Variants in CFAP58 observed in about 807,000 individuals in gnomAD.
CFAP58 encodes the protein cilia and flagella associated protein 58.
Under a neutral mutation model 119.5 loss-of-function variants are expected in CFAP58, and 88 were observed. The observed-to-expected ratio is 0.74, with a 90% CI of 0.62 to 0.88. The LOEUF (loss-of-function observed/expected upper bound fraction) is 0.88, where lower values mean the gene tolerates loss of function less well. Ranked by LOEUF, CFAP58 falls within the 40% of genes least tolerant of loss-of-function variation. The pLI, the probability that CFAP58 is intolerant of heterozygous loss-of-function variation, is 0.00. For synonymous variants in CFAP58, 365 were observed against 366.3 expected (o/e 1.00, Z 0.04); for missense variants, 990 against 1,021.2 (o/e 0.97, Z 0.42).
At chr10:104,347,683 A>T in the CFAP58 span, among the ~76,000 whole-genome samples, 3 of 150,984 alleles carry the variant, frequency 2.0e-5, no homozygotes, top group South Asian at 2.1e-4. Flanking sequence ...AGGCTTTAAA[A>T]TTTTTTTTTT....
chr10:104,398,975 G>A (rs1431147807), intron 11 of CFAP58, among the ~76,000 whole-genome samples: 2 of 152,070 alleles, frequency 1.3e-5, no homozygotes, highest in Non-Finnish European at 2.9e-5. Flanking sequence ...ACACACAGAG[G>A]CCTCCCCTGT....
In CFAP58 at chr10:104,395,870, A is replaced by G. The variant is rs148580493; in HGVS notation, c.1674+2395A>G. ...AAGATACCCTTGGACAGGACAATTCAATTTATGACTTTTCCAAGCCGATAG... is the reference window on the plus strand; with the variant it reads ...AAGATACCCTTGGACAGGACAATTCGATTTATGACTTTTCCAAGCCGATAG... On this transcript the variant is annotated intron_variant, in intron 11 of 17. Transcript: ENST00000369704. Among the ~76,000 whole-genome samples the G allele has an allele frequency of 3.7e-3, 566 of 152,278 alleles. 1 individual carries two copies. Among genetic ancestry groups the G allele is most frequent in the African/African-American group, 0.013 (540 of 41,552 alleles).
At chr10:104,349,900 A>T (rs2014440033), upstream of CFAP58, among the ~76,000 whole-genome samples, 1 of 152,238 alleles carries the variant, frequency 6.6e-6, no homozygotes, top group Non-Finnish European at 1.5e-5. Context: ...GAAGATCAGC[A>T]TTTGTGAATT....
At chr10:104,426,385 T>C (rs2012745602) in intron 15 of CFAP58, among the ~76,000 whole-genome samples, 2 of 151,340 alleles carry the variant, frequency 1.3e-5, no homozygotes, top group African/African-American at 4.9e-5. Flanking sequence ...TTCGCTGCCT[T>C]GGGGACCATT....
rs1218159714 is a variant in CFAP58 at position 104,445,286 on chromosome 10, G to A, written c.2257-2412G>A. Among the ~76,000 whole-genome samples, 9 of 148,116 alleles carry A rather than the reference G, an allele frequency of 6.1e-5. 1 individual carries two copies. The highest frequency in any genetic ancestry group is 1.2e-4 in the African/African-American group (5 of 40,252). ...TGCAGTGAGATATGATTGTGCCACTGTACTCCAGCCTGCGTGACAGAGTGA... is the reference window on the plus strand; with the variant it reads ...TGCAGTGAGATATGATTGTGCCACTATACTCCAGCCTGCGTGACAGAGTGA... On this transcript the variant is annotated intron_variant, in intron 15 of 17. Transcript: ENST00000369704.
At chr10:104,446,429 A>G (rs2013114266) in intron 15 of CFAP58, among the ~76,000 whole-genome samples, 1 of 152,248 alleles carries the variant, frequency 6.6e-6, no homozygotes, top group South Asian at 2.1e-4. Context: ...TGGAGTTTCA[A>G]TAATTTGGCC....
In CFAP58 at chr10:104,406,647, G is replaced by A. The variant is rs56919377; in HGVS notation, c.2152-42G>A. On this transcript the variant is annotated intron_variant, in intron 14 of 17. Coordinates refer to ENST00000369704, the MANE Select transcript of CFAP58 (RefSeq NM_001008723.2). ...TACATAGAGGCCTCAGTGCTTTGAA[G>A]CTGATGATATCTCAGCTGCTATTGT... The A allele has an allele frequency of 1.6e-3, 2,450 of 1,529,156 alleles. 33 individuals carry two copies. In the African/African-American group the frequency reaches 0.03, roughly 19 times the overall value. The allele number at this position is 1,529,156 out of a possible 1,614,324, so 94.7% of individuals were successfully genotyped here. A position where few individuals can be genotyped will look rare whatever the true frequency, so the allele number is the denominator to read the frequency against.
At chr10:104,372,179 C>T (rs1467523995) in intron 7 of CFAP58, among the ~76,000 whole-genome samples, 1 of 152,022 alleles carries the variant, frequency 6.6e-6, no homozygotes, top group Non-Finnish European at 1.5e-5. Flanking sequence ...ATGGTAAAAC[C>T]CTGTCTCTAC....
the CFAP58 span, among the ~76,000 whole-genome samples, chr10:104,343,382 T>C: frequency 6.6e-6 from 1 of 152,220 alleles, no homozygotes; most frequent in Non-Finnish European, 1.5e-5. Context: ...GTCACATTGC[T>C]GGTTAGTGAC....
intron 11 of CFAP58, among the ~76,000 whole-genome samples, chr10:104,395,374 G>C (rs2012129405): frequency 6.6e-6 from 1 of 152,196 alleles, no homozygotes; most frequent in Non-Finnish European, 1.5e-5. Context: ...GAGAATCCCA[G>C]GTCTGGATGG....
At chr10:104,450,225 C>T (rs374030417) in intron 17 of CFAP58, 21 bp downstream of exon 17, 392 of 1,610,128 alleles carry the variant, frequency 2.4e-4, no homozygotes, top group Non-Finnish European at 2.0e-4. Context: ...GTCAAACGTC[C>T]TAATTTTGTT....
Position 104,447,752 on chromosome 10 carries a change from C to G in CFAP58, c.2311C>G (p.Pro771Ala), listed in dbSNP as rs765355286. 4.3e-6 allele frequency: 7 copies of G among 1,614,168 alleles called. No homozygotes were observed. In the South Asian group the frequency reaches 7.7e-5, roughly 18 times the overall value. Residue 771 changes from proline to alanine, a missense_variant, in exon 16 of 18, where the codon CCT becomes GCT. Physicochemically the swap from Pro to Ala is conservative, Grantham distance 27 (BLOSUM62 -1). Coordinates refer to ENST00000369704, the MANE Select transcript of CFAP58 (RefSeq NM_001008723.2). Reference protein sequence around the residue: ...LKHVLARQPGPEAAEQLKLYR... With the variant: ...LKHVLARQPGAEAAEQLKLYR... ...GCACGTCTTGGCCCGCCAGCCTGGA[C>G]CTGAGGCTGCGGAACAGCTGAAGCT...
intron 15 of CFAP58, among the ~76,000 whole-genome samples, chr10:104,409,970 T>G (rs2012435764): frequency 6.6e-6 from 1 of 152,210 alleles, no homozygotes. Context: ...CTGAGTTTTC[T>G]TTATGTTCTG....
At chr10:104,362,258 T>C (rs1289963108) in intron 3 of CFAP58, 87 bp downstream of exon 3, 5 of 1,167,614 alleles carry the variant, frequency 4.3e-6, no homozygotes, top group Non-Finnish European at 5.9e-6. Context: ...CAGTGTCTTC[T>C]TGAACATTGT....
At chr10:104,363,290 G>C (rs538182065) in intron 3 of CFAP58, among the ~76,000 whole-genome samples, 8 of 152,074 alleles carry the variant, frequency 5.3e-5, no homozygotes, top group Non-Finnish European at 1.0e-4. Context: ...CACTGTGTGG[G>C]GCATGCAAAA....
intron 9 of CFAP58, among the ~76,000 whole-genome samples, chr10:104,390,293 C>A (rs956479100): frequency 1.3e-5 from 2 of 151,970 alleles, no homozygotes; most frequent in Admixed American, 6.6e-5. Context: ...ATTATGCAAC[C>A]TTTAAAGAGA....
chr10:104,402,295 G>T (rs1216149824), intron 13 of CFAP58, among the ~76,000 whole-genome samples: 1 of 152,180 alleles, frequency 6.6e-6, no homozygotes, highest in African/African-American at 2.4e-5. Flanking sequence ...CTCCCCTTCT[G>T]ATGACATTCT....
At chr10:104,450,665 T>C (rs1396765785) in intron 17 of CFAP58, among the ~76,000 whole-genome samples, 16 of 140,390 alleles carry the variant, frequency 1.1e-4, no homozygotes, top group African/African-American at 3.9e-4. Context: ...GCAGTTCACC[T>C]ATGTTTTATT....
intron 15 of CFAP58, among the ~76,000 whole-genome samples, chr10:104,441,893 T>G (rs11192057): frequency 6.6e-6 from 1 of 152,184 alleles, no homozygotes; most frequent in Admixed American, 6.5e-5. Flanking sequence ...AGCTGACATC[T>G]TCGTTATAAA....
Sources: allele counts gnomAD v4.1 joint callset (sites outside exome capture counted in the v4.1 genomes callset), GRCh38; gene constraint gnomAD v4.1.1; transcripts MANE v1.5; gene names NCBI Gene and HGNC (gene_info 2026-07-23, HGNC 2026-07-21).